Variants in DNMT3A observed in about 807,000 individuals in gnomAD.
The protein encoded by DNMT3A is DNA (cytosine-5)-methyltransferase 3A.
In DNMT3A, 267 loss-of-function variants were observed where a neutral mutation model predicts 117.6. That is an observed-to-expected ratio of 2.27 (90% confidence interval 2.05 to 2.51). The LOEUF (loss-of-function observed/expected upper bound fraction) is 2.51, where lower values mean the gene tolerates loss of function less well. Ranked by LOEUF, DNMT3A falls within the 30% of genes most tolerant of loss-of-function variation. The pLI, the probability that DNMT3A is intolerant of heterozygous loss-of-function variation, is 0.00. For missense variants in DNMT3A, 1,029 were observed against 1,260.2 expected (o/e 0.82, Z 2.78); for synonymous variants, 432 against 474.8 (o/e 0.91, Z 1.17).
intron 1 of DNMT3A, among the ~76,000 whole-genome samples, chr2:25,330,525 A>C (rs749611459): frequency 6.6e-6 from 1 of 152,238 alleles, no homozygotes; most frequent in African/African-American, 2.4e-5. Context: ...ATACAGCCCA[A>C]GGGCCATCAT....
intron 1 of DNMT3A, among the ~76,000 whole-genome samples, chr2:25,334,273 T>C (rs1185136428): frequency 1.3e-5 from 2 of 152,126 alleles, no homozygotes; most frequent in Non-Finnish European, 2.9e-5. Flanking sequence ...GAGGAACTTG[T>C]ATTTGCCCCC....
At chr2:25,251,280 G>A (rs1342505959) in intron 6 of DNMT3A, among the ~76,000 whole-genome samples, 1 of 151,714 alleles carries the variant, frequency 6.6e-6, no homozygotes, top group Non-Finnish European at 1.5e-5. Flanking sequence ...CTTTCCCTCT[G>A]CACTCCTGCC....
intron 14 of DNMT3A, 100 bp downstream of exon 14, chr2:25,244,440 G>T (rs572872144): frequency 1.0e-5 from 16 of 1,577,014 alleles, no homozygotes; most frequent in Middle Eastern, 1.7e-4. Flanking sequence ...GCATGGCTAG[G>T]GGGTGGAGGG....
intron 6 of DNMT3A, among the ~76,000 whole-genome samples, chr2:25,259,833 A>T (rs1676457319): frequency 6.6e-6 from 1 of 152,170 alleles, no homozygotes; most frequent in Admixed American, 6.5e-5. Flanking sequence ...AGAAGACTCC[A>T]GAGGAGCCCA....
At chr2:25,270,125 C>T (rs1332617639) in intron 6 of DNMT3A, among the ~76,000 whole-genome samples, 1 of 152,218 alleles carries the variant, frequency 6.6e-6, no homozygotes, top group South Asian at 2.1e-4. Flanking sequence ...TCTGCCCACA[C>T]CCGCTGTGCA....
At chr2:25,273,004 TG>T (rs2031072919) in intron 6 of DNMT3A, among the ~76,000 whole-genome samples, 2 of 89,578 alleles carry the variant, frequency 2.2e-5, no homozygotes, top group Non-Finnish European at 2.2e-5. Flanking sequence ...GACAGAGTTT[TG>T]CTCTTGTTGT....
At chr2:25,291,599 C>A (rs2032770781) in intron 3 of DNMT3A, among the ~76,000 whole-genome samples, 1 of 152,238 alleles carries the variant, frequency 6.6e-6, no homozygotes, top group African/African-American at 2.4e-5. Flanking sequence ...CCAGAGGCCA[C>A]AGAGGGCCGA....
At chr2:25,271,074 GTGATTCATGC>G (rs2030854081) in intron 6 of DNMT3A, among the ~76,000 whole-genome samples, 1 of 152,040 alleles carries the variant, frequency 6.6e-6, no homozygotes, top group Admixed American at 6.5e-5. Flanking sequence ...GCCGGGTGCA[GTGATTCATGC>G]CTGTAATCCC....
intron 1 of DNMT3A, among the ~76,000 whole-genome samples, chr2:25,329,397 G>T (rs2034922852): frequency 6.6e-6 from 1 of 152,124 alleles, no homozygotes; most frequent in Non-Finnish European, 1.5e-5. Context: ...GCACGTGGCA[G>T]GTACTCAATA....
At chr2:25,283,545 C>A (rs1196015852) in intron 3 of DNMT3A, among the ~76,000 whole-genome samples, 5 of 152,020 alleles carry the variant, frequency 3.3e-5, no homozygotes, top group African/African-American at 1.2e-4. Flanking sequence ...GGAGGACCCC[C>A]AAAAAACCAT....
intron 1 of DNMT3A, among the ~76,000 whole-genome samples, chr2:25,341,505 T>C (rs2149458603): frequency 1.4e-5 from 2 of 143,854 alleles, no homozygotes; most frequent in Non-Finnish European, 3.1e-5. Flanking sequence ...CCCGCGGCAT[T>C]GTATAGACTT....
intron 1 of DNMT3A, among the ~76,000 whole-genome samples, chr2:25,318,831 G>A (rs978973562): frequency 5.4e-5 from 8 of 148,662 alleles, no homozygotes; most frequent in Non-Finnish European, 1.0e-4. Context: ...CCAAGTAGCC[G>A]GGACTACAGG....
Position 25,304,048 on chromosome 2 carries a change from G to A in DNMT3A, c.73-3805C>T, listed in dbSNP as rs1159975314. ...GAAAGAAAAGAATCTGATCCGTGGT[G>A]ACATGGGACAGCTGAAGAACAGTAA... On this transcript the variant is annotated intron_variant, in intron 2 of 22. Coordinates refer to ENST00000321117, the MANE Select transcript of DNMT3A (RefSeq NM_022552.5). The surrounding 1 kb of genome is among the most constrained non-coding windows in gnomAD (Gnocchi z 4.3). 6.6e-6 allele frequency among the ~76,000 whole-genome samples: 1 copy of A among 152,248 alleles called. No homozygotes were observed. The highest frequency in any genetic ancestry group is 1.5e-5 in the Non-Finnish European group (1 of 68,034).
Position 25,292,791 on chromosome 2 carries a change from G to C in DNMT3A, c.177+7348C>G, listed in dbSNP as rs13415217. Among the ~76,000 whole-genome samples, 669 of 152,162 alleles carry C rather than the reference G, an allele frequency of 4.4e-3. 5 individuals carry two copies. The highest frequency in any genetic ancestry group is 0.015 in the African/African-American group (633 of 41,508). On this transcript the variant is annotated intron_variant, in intron 3 of 22. Coordinates refer to ENST00000321117, the MANE Select transcript of DNMT3A (RefSeq NM_022552.5). Reference sequence around the variant, plus strand: ...AACCAAAATGTACAAAATTCTCTAGGTGGGGATGATGAAAGAAAGCCCATG... The same window carrying C: ...AACCAAAATGTACAAAATTCTCTAGCTGGGGATGATGAAAGAAAGCCCATG...
Position 25,293,333 on chromosome 2 carries a change from C to T in DNMT3A, c.177+6806G>A, listed in dbSNP as rs964321859. 1.3e-5 allele frequency among the ~76,000 whole-genome samples: 2 copies of T among 152,222 alleles called. No individual in the cohort carries two copies. Among genetic ancestry groups the T allele is most frequent in the African/African-American group, 4.8e-5 (2 of 41,458 alleles). ...TGTGCTCATGCTCAGGGATGAACGCCATGCTCATGGGTGCCAGAGCCAATT... is the reference window on the plus strand; with the variant it reads ...TGTGCTCATGCTCAGGGATGAACGCTATGCTCATGGGTGCCAGAGCCAATT... On this transcript the variant is annotated intron_variant, in intron 3 of 22. Transcript: ENST00000321117. The surrounding 1 kb of genome is among the most constrained non-coding windows in gnomAD (Gnocchi z 4.7).
intron 6 of DNMT3A, among the ~76,000 whole-genome samples, chr2:25,263,858 C>T (rs1424818831): frequency 1.3e-5 from 2 of 152,210 alleles, no homozygotes; most frequent in Admixed American, 6.5e-5. Flanking sequence ...TCTCCCTAGG[C>T]ACCGCCTTCC....
chr2:25,333,946 C>T (rs185649876), intron 1 of DNMT3A, among the ~76,000 whole-genome samples: 37 of 152,328 alleles, frequency 2.4e-4, no homozygotes, highest in Middle Eastern at 6.8e-3. Flanking sequence ...GCCTGACTCC[C>T]GAACGCCTTT....
chr2:25,341,711 T>C, intron 1 of DNMT3A, 115 bp downstream of exon 1: 1 of 753,578 alleles, frequency 1.3e-6, no homozygotes, highest in African/African-American at 2.0e-5. Flanking sequence ...GTTGCAGGGG[T>C]CCGGGAGCGT....
At position 25,282,838 on chromosome 2, in the gene DNMT3A, A is replaced by G; in HGVS notation, c.178-127T>C. ...TTCTGTCCAGAAACTGTGTTCATAT[A>G]AACCTTCATGCAAACAGATACATTC... On this transcript the variant is annotated intron_variant, in intron 3 of 22. Coordinates refer to ENST00000321117, the MANE Select transcript of DNMT3A (RefSeq NM_022552.5). This position sits in a 1 kb window ranked among gnomAD's most constrained non-coding sequence, Gnocchi z 5.2. The G allele has an allele frequency of 8.3e-7, 1 of 1,203,646 alleles. No individual in the cohort carries two copies. The allele number at this position is 1,203,646 out of a possible 1,614,324, so 74.6% of individuals were successfully genotyped here. A position where few individuals can be genotyped will look rare whatever the true frequency, so the allele number is the denominator to read the frequency against.
Sources: gnomAD v4.1 joint callset for allele counts (sites outside exome capture counted in the v4.1 genomes callset) on GRCh38, gnomAD v4.1.1 for gene constraint, Gnocchi (gnomAD v3.1) non-coding constraint, MANE v1.5 for transcripts, NCBI Gene and HGNC (gene_info 2026-07-23, HGNC 2026-07-21) for gene names.